Variants in KMT2C observed in about 807,000 individuals in gnomAD.
KMT2C encodes lysine methyltransferase 2C.
KMT2C carries 88 observed loss-of-function variants against 507.9 expected under a neutral mutation model. The observed-to-expected ratio is 0.17, with a 90% CI of 0.15 to 0.21. The LOEUF is 0.21. Ranked by LOEUF, KMT2C falls within the 10% of genes least tolerant of loss-of-function variation. KMT2C has a pLI of 1.00. For synonymous variants in KMT2C, 2,049 were observed against 2,080.8 expected, an observed-to-expected ratio of 0.98 and a Z score of 0.42; for missense variants, 4,954 against 5,957.8, an observed-to-expected ratio of 0.83 and a Z score of 5.55.
intron 7 of KMT2C, among the ~76,000 whole-genome samples, chr7:152,265,706 C>G (rs1028054776): frequency 2.0e-5 from 3 of 151,864 alleles, no homozygotes; most frequent in African/African-American, 7.3e-5. Flanking sequence ...CATAAACAGA[C>G]TATTCAAATC....
chr7:152,193,982 A>T, intron 31 of KMT2C, 27 bp downstream of exon 31: 2 of 1,503,058 alleles, frequency 1.3e-6, no homozygotes, highest in Non-Finnish European at 1.8e-6. Flanking sequence ...TGTGAATATA[A>T]TGTAGAATTA....
chr7:152,188,423 C>T lies in KMT2C; in HGVS notation c.4661-576G>A, dbSNP rs544697046. On this transcript the variant is annotated intron_variant, in intron 31 of 58. Coordinates refer to ENST00000262189, the MANE Select transcript of KMT2C (RefSeq NM_170606.3). ...TGTATGTACAGCTCTAAACATAGTT[C>T]CTGGTATGCAGTAACTATTCGACAC... 2.4e-4 allele frequency among the ~76,000 whole-genome samples: 36 copies of T among 152,038 alleles called. 1 individual carries two copies. Among genetic ancestry groups the T allele is most frequent in the African/African-American group, 8.4e-4 (35 of 41,466 alleles).
intron 3 of KMT2C, among the ~76,000 whole-genome samples, chr7:152,315,557 T>C (rs1032456742): frequency 2.4e-4 from 37 of 152,224 alleles, no homozygotes; most frequent in African/African-American, 8.7e-4. Flanking sequence ...TTTTAAAAAG[T>C]AGTACACATA....
intron 1 of KMT2C, among the ~76,000 whole-genome samples, chr7:152,435,052 T>G (rs1037688688): frequency 1.3e-5 from 2 of 151,900 alleles, no homozygotes; most frequent in African/African-American, 4.8e-5. Context: ...GGCTTCCTAA[T>G]ATATCATCAA....
At chr7:152,319,248 T>C (rs1364557334) in intron 3 of KMT2C, among the ~76,000 whole-genome samples, 1 of 152,304 alleles carries the variant, frequency 6.6e-6, no homozygotes, top group East Asian at 1.9e-4. Flanking sequence ...GTTATATAGA[T>C]CATAGATATG....
chr7:152,258,175 T>G (rs941113641), intron 9 of KMT2C, among the ~76,000 whole-genome samples: 2 of 152,198 alleles, frequency 1.3e-5, no homozygotes, highest in African/African-American at 4.8e-5. Context: ...GATGAGCTTG[T>G]AACATCTTGT....
At chr7:152,259,446 G>GCGCGCGCACA (rs1188729137) in intron 9 of KMT2C, among the ~76,000 whole-genome samples, 6 of 134,688 alleles carry the variant, frequency 4.5e-5, no homozygotes, top group African/African-American at 1.7e-4. Context: ...ACACACACGC[G>GCGCGCGCACA]CACACACACA....
chr7:152,151,550 A>G lies in KMT2C; in HGVS notation c.12558T>C (p.Gly4186=), dbSNP rs1257527039. 9 of 1,614,006 alleles carry G rather than the reference A, an allele frequency of 5.6e-6. No homozygotes were observed. The highest frequency in any genetic ancestry group is 7.6e-6 in the Non-Finnish European group (9 of 1,179,962). Residue 4186 remains glycine, a synonymous_variant, in exon 50 of 59, where the codon GGT becomes GGC. Transcript: ENST00000262189. ...GTCTGAGTGCTGCGCTTTCTGCAAT[A>G]CCATGACTAGAATCCTTATATCCAG... ...GLSGYKDSSH[G]IAESAALRPQ... is the part of the protein sequence containing the mutation.
intron 18 of KMT2C, among the ~76,000 whole-genome samples, chr7:152,227,704 C>T (rs992790830): frequency 6.6e-6 from 1 of 152,216 alleles, no homozygotes; most frequent in African/African-American, 2.4e-5. Context: ...GCAATAACGA[C>T]TAAGAGCTCC....
At position 152,330,735 on chromosome 7, in the gene KMT2C, G is replaced by C. The variant is rs1310195033; in HGVS notation, c.255C>G (p.Ile85Met). ...CATCCTCTTCTGCAGATTGTTCTTT[G>C]ATTTCTGCTTAACAGTAAACAAGAG... ...TETETIVETE[I>M]KEQSAEEDAE... Residue 85 changes from isoleucine (I) to methionine (M), a missense_variant, in exon 3 of 59, where the codon ATC becomes ATG. Transcript: ENST00000262189. 10 of 1,613,422 alleles carry C rather than the reference G, an allele frequency of 6.2e-6. No individual in the cohort carries two copies. The highest frequency in any genetic ancestry group is 1.3e-5 in the African/African-American group (1 of 74,904).
chr7:152,275,315 C>T (rs918619823), intron 6 of KMT2C, among the ~76,000 whole-genome samples: 19 of 152,076 alleles, frequency 1.2e-4, no homozygotes, highest in African/African-American at 4.3e-4. Context: ...AAGGCCAAGG[C>T]GGGTGGATCA....
Position 152,162,329 on chromosome 7 carries a change from C to G in KMT2C, c.11248G>C (p.Ala3750Pro). 1 of 1,614,216 alleles carries G rather than the reference C, an allele frequency of 6.2e-7. No individual in the cohort carries two copies. Among genetic ancestry groups the G allele is most frequent in the Non-Finnish European group, 8.5e-7 (1 of 1,180,012 alleles). The change falls in exon 43 of 59, where the codon GCC (alanine) becomes CCC (proline). Residue 3750 changes from alanine (A) to proline (P), a missense_variant. By Grantham distance (27) the Ala-to-Pro change is conservative. Coordinates refer to ENST00000262189, the MANE Select transcript of KMT2C (RefSeq NM_170606.3). ...NGSKVEGNAV[A>P]CPVSSAQSPP... Reference sequence around the variant, plus strand: ...CTCTGTGCTGAGGAGACAGGACAGGCTACAGCGTTTCCTTCTACCTTACTA... The same window carrying G: ...CTCTGTGCTGAGGAGACAGGACAGGGTACAGCGTTTCCTTCTACCTTACTA...
chr7:152,197,774 T>G (rs1437578593), intron 27 of KMT2C, among the ~76,000 whole-genome samples: 4 of 152,174 alleles, frequency 2.6e-5, no homozygotes, highest in African/African-American at 9.7e-5. Context: ...AAAAAGCCTT[T>G]AGTCATTAAT....
At chr7:152,293,461 T>A (rs141157451) in intron 6 of KMT2C, among the ~76,000 whole-genome samples, 1 of 152,240 alleles carries the variant, frequency 6.6e-6, no homozygotes, top group Non-Finnish European at 1.5e-5. Flanking sequence ...GTATGCAGTA[T>A]AAAATCACTT....
chr7:152,294,761 T>C (rs1248314087), intron 6 of KMT2C, among the ~76,000 whole-genome samples: 5 of 152,368 alleles, frequency 3.3e-5, no homozygotes, highest in Admixed American at 2.0e-4. Context: ...TTTGAGATTA[T>C]TGACCATACC....
At chr7:152,391,780 G>C (rs2097501091) in intron 1 of KMT2C, among the ~76,000 whole-genome samples, 1 of 152,098 alleles carries the variant, frequency 6.6e-6, no homozygotes, top group Non-Finnish European at 1.5e-5. Context: ...CAAAGTGCTG[G>C]GATTACAGGC....
intron 1 of KMT2C, chr7:152,366,938 C>G (rs976674349): frequency 6.2e-6 from 3 of 484,428 alleles, no homozygotes; most frequent in Non-Finnish European, 7.3e-6. Flanking sequence ...CTGGCGGGCA[C>G]GATCGCAAGG....
At chr7:152,312,932 G>C (rs1017554462) in intron 4 of KMT2C, among the ~76,000 whole-genome samples, 3 of 151,940 alleles carry the variant, frequency 2.0e-5, no homozygotes, top group African/African-American at 7.3e-5. Context: ...CCTATTAAGA[G>C]AAAATCAGCA....
chr7:152,301,400 T>C (rs1388784398), intron 6 of KMT2C, among the ~76,000 whole-genome samples: 2 of 151,718 alleles, frequency 1.3e-5, no homozygotes, highest in African/African-American at 4.8e-5. Context: ...TCCCAGCTAC[T>C]TGGAAGGCTG....
Sources: gnomAD v4.1 joint callset for allele counts (sites outside exome capture counted in the v4.1 genomes callset) on GRCh38, gnomAD v4.1.1 for gene constraint, MANE v1.5 for transcripts, NCBI Gene and HGNC (gene_info 2026-07-23, HGNC 2026-07-21) for gene names.